DTNB: variants seen among roughly 807,000 people sequenced by gnomAD.
DTNB encodes dystrobrevin beta, also known as DTN-B.
In DTNB, 63 loss-of-function variants were observed where a neutral mutation model predicts 90.7. That is an observed-to-expected ratio of 0.69 (90% CI 0.57 to 0.86). The LOEUF is 0.86. DTNB is among the 40% of genes least tolerant of loss of function. The probability of loss-of-function intolerance (pLI) is 0.00; values close to 1 mark genes in which losing one functional copy is unlikely to be tolerated. For synonymous variants in DTNB, 277 were observed against 286.7 expected (o/e 0.97, Z 0.34); for missense variants, 744 against 807.1 (o/e 0.92, Z 0.95).
chr2:25,652,135 A>C (rs1300149889), intron 2 of DTNB, among the ~76,000 whole-genome samples: 1 of 152,240 alleles, frequency 6.6e-6, no homozygotes, highest in Non-Finnish European at 1.5e-5. Flanking sequence ...CAGAATATTT[A>C]AAGTTAAAAA....
intron 8 of DTNB, among the ~76,000 whole-genome samples, chr2:25,543,695 T>G (rs2081838726): frequency 6.6e-6 from 1 of 152,246 alleles, no homozygotes; most frequent in South Asian, 2.1e-4. Flanking sequence ...TTATTCATTT[T>G]TATGGCTTAT....
intron 5 of DTNB, among the ~76,000 whole-genome samples, chr2:25,605,612 A>T (rs1052569889): frequency 1.1e-4 from 16 of 152,248 alleles, no homozygotes; most frequent in Non-Finnish European, 2.4e-4. Context: ...AGTAGACTTT[A>T]AAGAAATTTA....
intron 4 of DTNB, among the ~76,000 whole-genome samples, chr2:25,618,489 T>C (rs917358519): frequency 4.6e-5 from 7 of 152,224 alleles, no homozygotes; most frequent in African/African-American, 1.7e-4. Flanking sequence ...TCCAAGTTTA[T>C]ACCAGAATCA....
chr2:25,432,808 C>A (rs977486565), intron 14 of DTNB, 78 bp downstream of exon 14: 12 of 1,402,692 alleles, frequency 8.6e-6, no homozygotes, highest in Non-Finnish European at 1.1e-5. Flanking sequence ...CAGATTCTAC[C>A]CCACTCCTTT....
intron 8 of DTNB, among the ~76,000 whole-genome samples, chr2:25,573,497 T>G (rs2060190549): frequency 6.6e-6 from 1 of 152,194 alleles, no homozygotes; most frequent in African/African-American, 2.4e-5. Context: ...AGCAGTCTGT[T>G]TTTCCTTTCA....
intron 16 of DTNB, 186 bp from the exon 17 acceptor site, chr2:25,388,547 G>A (rs112485588): frequency 1.2e-5 from 9 of 749,546 alleles, no homozygotes; most frequent in African/African-American, 8.9e-5. Flanking sequence ...AGGAAAAAAG[G>A]AAGGGGGCGT....
chr2:25,545,161 C>G (rs1308355240), intron 8 of DTNB, among the ~76,000 whole-genome samples: 1 of 152,166 alleles, frequency 6.6e-6, no homozygotes, highest in African/African-American at 2.4e-5. Flanking sequence ...TCTATTTAAC[C>G]CCTCCATTGA....
intron 6 of DTNB, among the ~76,000 whole-genome samples, chr2:25,591,276 C>CGGT (rs2063526591): frequency 6.6e-5 from 10 of 152,174 alleles, no homozygotes; most frequent in Admixed American, 5.2e-4. Flanking sequence ...GCAGCTGCGC[C>CGGT]CAGGGAAGGC....
intron 1 of DTNB, among the ~76,000 whole-genome samples, chr2:25,665,625 C>CAA (rs879677956): frequency 1.5e-5 from 2 of 133,674 alleles, no homozygotes; most frequent in Admixed American, 1.5e-4. Flanking sequence ...GACTCCGTCT[C>CAA]AAAAAAAAAA....
At chr2:25,593,567 A>G (rs551117168) in intron 6 of DTNB, among the ~76,000 whole-genome samples, 4 of 152,260 alleles carry the variant, frequency 2.6e-5, no homozygotes, top group South Asian at 2.1e-4. Flanking sequence ...AATTTGACAT[A>G]TACAAAAATG....
chr2:25,601,847 T>C (rs180956596), intron 5 of DTNB, among the ~76,000 whole-genome samples: 1 of 151,926 alleles, frequency 6.6e-6, no homozygotes, highest in East Asian at 1.9e-4. Context: ...ACTGGCGGGG[T>C]GCGGTGGCTC....
At chr2:25,549,808 G>A (rs549088190) in intron 8 of DTNB, among the ~76,000 whole-genome samples, 2 of 151,944 alleles carry the variant, frequency 1.3e-5, no homozygotes, top group Non-Finnish European at 2.9e-5. Context: ...CTACAGGCAT[G>A]CACAACCACA....
intron 5 of DTNB, 43 bp from the exon 6 acceptor site, chr2:25,596,283 T>C (rs763586249): frequency 4.5e-6 from 7 of 1,545,158 alleles, no homozygotes; most frequent in African/African-American, 1.4e-5. Context: ...TAAGGAAATA[T>C]CAGCTTTTTA....
At chr2:25,646,743 T>C (rs946299805) in intron 2 of DTNB, among the ~76,000 whole-genome samples, 4 of 152,216 alleles carry the variant, frequency 2.6e-5, no homozygotes, top group African/African-American at 7.2e-5. Context: ...TAAATGTATG[T>C]GATTTTAGTC....
chr2:25,605,500 T>A (rs2066911550), intron 5 of DTNB, among the ~76,000 whole-genome samples: 1 of 152,250 alleles, frequency 6.6e-6, no homozygotes, highest in Non-Finnish European at 1.5e-5. Flanking sequence ...CTAACAGTTA[T>A]AACGCAGAAC....
intron 14 of DTNB, among the ~76,000 whole-genome samples, chr2:25,428,480 T>C (rs1308522128): frequency 1.3e-5 from 2 of 151,638 alleles, no homozygotes; most frequent in Non-Finnish European, 2.9e-5. Flanking sequence ...TCGCCCAGGC[T>C]GGAGTGCAGT....
Position 25,564,002 on chromosome 2 carries a change from C to T in DTNB, c.876+12836G>A, listed in dbSNP as rs147027496. On this transcript the variant is annotated intron_variant, in intron 8 of 20. Coordinates refer to ENST00000406818, the MANE Select transcript of DTNB (RefSeq NM_021907.5). ...CTGCAAGCTCCGCCTCCCAGGTTCA[C>T]GCCATTCTCCTACCTCAGCCTCCTG... Among the ~76,000 whole-genome samples, 1,159 of 152,162 alleles carry T rather than the reference C, an allele frequency of 7.6e-3. 12 individuals are homozygous for T. The highest frequency in any genetic ancestry group is 0.026 in the African/African-American group (1,096 of 41,512).
chr2:25,560,309 T>C (rs1020620220), intron 8 of DTNB, among the ~76,000 whole-genome samples: 6 of 152,198 alleles, frequency 3.9e-5, no homozygotes, highest in African/African-American at 1.4e-4. Context: ...GCTCAGATAT[T>C]TGGTGAAATG....
chr2:25,535,649 G>A (rs1183087169), intron 8 of DTNB, among the ~76,000 whole-genome samples: 1 of 148,730 alleles, frequency 6.7e-6, no homozygotes, highest in Admixed American at 6.7e-5. Flanking sequence ...CCCAGACAGG[G>A]CGGCCGGGCA....
Sources: allele counts gnomAD v4.1 joint callset (sites outside exome capture counted in the v4.1 genomes callset), GRCh38; gene constraint gnomAD v4.1.1; transcripts MANE v1.5; gene names NCBI Gene and HGNC (gene_info 2026-07-23, HGNC 2026-07-21).